The following CARS1 variants were observed in gnomAD, a reference collection of about 807,000 sequenced individuals.
CARS1 encodes cysteine--tRNA ligase, cytoplasmic.
In CARS1, 48 loss-of-function variants were observed where a neutral mutation model predicts 106.2. The observed-to-expected ratio is 0.45, with a 90% CI of 0.36 to 0.57. CARS1 has a LOEUF of 0.57. Among genes scored for constraint, CARS1 ranks in the 20% least tolerant of loss-of-function variants. The probability of loss-of-function intolerance (pLI) is 0.00; values close to 1 mark genes in which losing one functional copy is unlikely to be tolerated. For missense variants in CARS1, 968 were observed against 1,057.2 expected (o/e 0.92, Z 1.17); for synonymous variants, 409 against 403.4 (o/e 1.01, Z -0.17).
intron 1 of CARS1, among the ~76,000 whole-genome samples, chr11:3,051,508 G>A (rs1367050028): frequency 1.3e-5 from 2 of 152,164 alleles, no homozygotes; most frequent in African/African-American, 4.8e-5. Context: ...ACCCCAAAGT[G>A]AGGTCCTGGA....
At position 3,034,213 on chromosome 11, in the gene CARS1, T is replaced by TTTTTGTATTG. The variant is rs1853279276; in HGVS notation, c.801+3836_801+3837insCAATACAAAA. Among the ~76,000 whole-genome samples the TTTTTGTATTG allele has an allele frequency of 7.0e-6, 1 of 142,952 alleles. No homozygotes were observed. Among genetic ancestry groups the TTTTTGTATTG allele is most frequent in the Admixed American group, 7.7e-5 (1 of 13,016 alleles). 93.8% of individuals were successfully genotyped at this position (142,952 alleles called of 152,430 possible). On this transcript the variant is annotated intron_variant, in intron 7 of 22. Transcript: ENST00000380525. The surrounding 1 kb of genome is among the most constrained non-coding windows in gnomAD (Gnocchi z 6.3). ...GTTTGTTCTTTTTTTTGTTTTCTGT[T>TTTTTGTATTG]TTTTGTTTTGTTTTGTTTTGTTTTT...
chr11:3,027,485 G>A (rs429086), intron 9 of CARS1: 55,694 of 170,436 alleles, frequency 0.33, 11,149 homozygotes, highest in East Asian at 0.6. Context: ...GCAAGAGACC[G>A]AGGGCACGAG....
In CARS1 at chr11:3,018,000, A is replaced by G; in HGVS notation, c.1630-46T>C. 1 of 1,229,284 alleles carries G rather than the reference A, an allele frequency of 8.1e-7. No individual in the cohort carries two copies. The highest frequency in any genetic ancestry group is 1.2e-6 in the Non-Finnish European group (1 of 836,696). The allele number at this position is 1,229,284 out of a possible 1,614,324, so 76.1% of individuals were successfully genotyped here. ...TTAACAGCATTTAGGCAACTTTTCC[A>G]TCCTGAAATATCTGTTACAACTTTC... On this transcript the variant is annotated intron_variant, in intron 14 of 22. Transcript: ENST00000380525. This position sits in a 1 kb window ranked among gnomAD's most constrained non-coding sequence, Gnocchi z 4.9.
intron 16 of CARS1, among the ~76,000 whole-genome samples, chr11:3,016,413 C>T (rs368840378): frequency 1.7e-4 from 26 of 151,612 alleles, no homozygotes; most frequent in African/African-American, 4.1e-4. Flanking sequence ...TTAGTAGAGA[C>T]GGGGTTTCAC....
Position 3,001,157 on chromosome 11 carries a change from T to A in CARS1, c.2453A>T (p.Tyr818Phe), listed in dbSNP as rs1425683170. ...KKLFEAQEKL[Y>F]KEYLQMAQNG... is the part of the protein sequence containing the mutation. ...CTGGGCCATCTGCAGATATTCCTTG[T>A]AGAGCTTCTCCTGAGCCTCGAAGAG... The change falls in exon 23 of 23, where the codon TAC becomes TTC. Residue 818 changes from tyrosine (Y) to phenylalanine (F), a missense_variant. Coordinates refer to ENST00000380525, the MANE Select transcript of CARS1 (RefSeq NM_001014437.3). The A allele has an allele frequency of 6.2e-7, 1 of 1,614,132 alleles. No individual in the cohort carries two copies. Among genetic ancestry groups the A allele is most frequent in the South Asian group, 1.1e-5 (1 of 91,076 alleles).
chr11:3,040,735 TTAAAAA>T lies in CARS1; in HGVS notation c.455+155_455+160del. 1.4e-6 allele frequency: 1 copy of T among 734,246 alleles called. No homozygotes were observed. Among genetic ancestry groups the T allele is most frequent in the Non-Finnish European group, 2.3e-6 (1 of 443,248 alleles). 45.5% of individuals were successfully genotyped at this position (734,246 alleles called of 1,614,324 possible). ...TACTTATGGCATTAAAATTTTCATCTTAAAAATAAGAGAAGAAATTCAGTCTTGATT... is the reference window on the plus strand; with the variant it reads ...TACTTATGGCATTAAAATTTTCATCTTAAGAGAAGAAATTCAGTCTTGATT... On this transcript the variant is annotated intron_variant, in intron 4 of 22. Transcript: ENST00000380525. The surrounding 1 kb of genome is among the most constrained non-coding windows in gnomAD (Gnocchi z 5.8).
intron 10 of CARS1, among the ~76,000 whole-genome samples, chr11:3,024,395 C>A (rs1337243895): frequency 6.6e-6 from 1 of 152,096 alleles, no homozygotes; most frequent in Non-Finnish European, 1.5e-5. Flanking sequence ...CAAGTTTGTA[C>A]ATTTTAGACG....
Position 3,037,982 on chromosome 11 carries a change from C to T in CARS1, c.801+68G>A. On this transcript the variant is annotated intron_variant, in intron 7 of 22. Coordinates refer to ENST00000380525, the MANE Select transcript of CARS1 (RefSeq NM_001014437.3). The surrounding 1 kb of genome is among the most constrained non-coding windows in gnomAD (Gnocchi z 5.9). The stretch of plus-strand genomic sequence containing the variant: ...AATCTGTGGAATCAATCCGTGCACA[C>T]AGATCAGTCTATGCACGGCCCGACA... 1 of 1,438,650 alleles carries T rather than the reference C, an allele frequency of 7.0e-7. No individual in the cohort carries two copies. The highest frequency in any genetic ancestry group is 2.3e-5 in the East Asian group (1 of 43,472). 89.1% of individuals were successfully genotyped at this position (1,438,650 alleles called of 1,614,324 possible).
Position 3,040,960 on chromosome 11 carries a change from T to C in CARS1, c.391A>G (p.Lys131Glu), listed in dbSNP as rs1854372708. The C allele has an allele frequency of 1.2e-6, 2 of 1,614,118 alleles. No individual in the cohort carries two copies. Among genetic ancestry groups the C allele is most frequent in the South Asian group, 1.1e-5 (1 of 91,078 alleles). Residue 131 changes from lysine to glutamate, a missense_variant, in exon 4 of 23, where the codon AAA (lysine) becomes GAA (glutamate). By Grantham distance (56) the Lys-to-Glu change is moderately conservative. Transcript: ENST00000380525. The surrounding 1 kb of genome is among the most constrained non-coding windows in gnomAD (Gnocchi z 5.8). ...NKEVFIPQDG[K>E]KVTWYCCGPT... ...CCACAGCAATACCACGTCACCTTTT[T>C]CCCATCTTGAGGTATGAACACTTCC...
At position 3,034,410 on chromosome 11, in the gene CARS1, G is replaced by A. The variant is rs1053104594; in HGVS notation, c.801+3640C>T. On this transcript the variant is annotated intron_variant, in intron 7 of 22. Transcript: ENST00000380525. This position sits in a 1 kb window ranked among gnomAD's most constrained non-coding sequence, Gnocchi z 6.3. ...TAATTTTTGTATTTTTAGTAGCAAC[G>A]GGGTTTTGCCATGTTGGCCAGGCTG... 3.9e-5 allele frequency among the ~76,000 whole-genome samples: 6 copies of A among 151,900 alleles called. No individual in the cohort carries two copies. Among genetic ancestry groups the A allele is most frequent in the Admixed American group, 6.6e-5 (1 of 15,240 alleles).
Position 3,017,432 on chromosome 11 carries a change from C to G in CARS1, c.1728-137G>C, listed in dbSNP as rs573254621. ...CTGAGGTGGGCGGATCACCTGAGGT[C>G]GGGAGTTCGAGACCAGCCTGACAAA... is the stretch of plus-strand genomic sequence containing the variant. On this transcript the variant is annotated intron_variant, in intron 15 of 22. Transcript: ENST00000380525. The surrounding 1 kb of genome is among the most constrained non-coding windows in gnomAD (Gnocchi z 4.9). 4 of 689,354 alleles carry G rather than the reference C, an allele frequency of 5.8e-6. No homozygotes were observed. The highest frequency in any genetic ancestry group is 9.8e-6 in the Non-Finnish European group (4 of 407,172). 42.7% of individuals were successfully genotyped at this position (689,354 alleles called of 1,614,324 possible).
chr11:3,047,796 C>G lies in CARS1; in HGVS notation c.231G>C (p.Leu77=), dbSNP rs1475579180. 4 of 1,614,080 alleles carry G rather than the reference C, an allele frequency of 2.5e-6. No individual in the cohort carries two copies. The highest frequency in any genetic ancestry group is 2.5e-6 in the Non-Finnish European group (3 of 1,179,966). Residue 77 remains leucine, a synonymous_variant, in exon 2 of 23, where the codon CTG becomes CTC. Transcript: ENST00000380525. The stretch of plus-strand genomic sequence containing the variant: ...GCTGGCCTTTGCCACAGGGGCTACC[C>G]AGGAGCGCTTCTATGTGCCTGAACC... ...ARWFRHIEAL[L]GSPCGKGQPC... is the part of the protein sequence containing the mutation.
Position 3,020,294 on chromosome 11 carries a change from G to T in CARS1, c.1192C>A (p.Arg398Ser). The change falls in exon 11 of 23, where the codon CGC becomes AGC. Residue 398 changes from arginine to serine, a missense_variant. By Grantham distance (110) the Arg-to-Ser change is moderately radical. Transcript: ENST00000380525. The surrounding 1 kb of genome is among the most constrained non-coding windows in gnomAD (Gnocchi z 4.6). ...SISADRLSEK[R>S]SPNDFALWKA... ...CATAAGGCAAAGTCGTTGGGAGAGC[G>T]CTTCTCACTCAGGCGGTCTGCAGAG... 1.9e-6 allele frequency: 3 copies of T among 1,613,886 alleles called. No individual in the cohort carries two copies. The highest frequency in any genetic ancestry group is 2.5e-6 in the Non-Finnish European group (3 of 1,179,754).
rs1358109953 is a variant in CARS1, at chr11:3,038,211, A to G, written c.652-12T>C. 6.2e-7 allele frequency: 1 copy of G among 1,612,784 alleles called. No homozygotes were observed. The highest frequency in any genetic ancestry group is 1.1e-5 in the South Asian group (1 of 91,034). ...TTTACTGAAAATGGCTGCAACCATAAAGAGACGTCAAATCTATTAGATACT... is the reference window on the plus strand; with the variant it reads ...TTTACTGAAAATGGCTGCAACCATAGAGAGACGTCAAATCTATTAGATACT... On this transcript the variant is annotated splice_polypyrimidine_tract_variant and intron_variant, in intron 6 of 22. Transcript: ENST00000380525. The surrounding 1 kb of genome is among the most constrained non-coding windows in gnomAD (Gnocchi z 4.0).
Position 3,038,301 on chromosome 11 carries a change from C to A in CARS1, c.652-102G>T. Reference sequence around the variant, plus strand: ...GAAAACAGAACGGTTTTTCCCATGGCCCCATAGAGATAGAGAAGTGTGCAA... The same window carrying A: ...GAAAACAGAACGGTTTTTCCCATGGACCCATAGAGATAGAGAAGTGTGCAA... On this transcript the variant is annotated intron_variant, in intron 6 of 22. Coordinates refer to ENST00000380525, the MANE Select transcript of CARS1 (RefSeq NM_001014437.3). This position sits in a 1 kb window ranked among gnomAD's most constrained non-coding sequence, Gnocchi z 4.0. The A allele has an allele frequency of 1.8e-6, 2 of 1,108,650 alleles. No individual in the cohort carries two copies. Among genetic ancestry groups the A allele is most frequent in the South Asian group, 2.8e-5 (2 of 71,666 alleles). 68.7% of individuals were successfully genotyped at this position (1,108,650 alleles called of 1,614,324 possible).
chr11:3,012,143 G>T, intron 18 of CARS1, 52 bp downstream of exon 18: 1 of 1,510,456 alleles, frequency 6.6e-7, no homozygotes, highest in Non-Finnish European at 9.2e-7. Context: ...CCGGTCCGGG[G>T]AGCCCAGTGA....
At chr11:3,047,689 T>C in intron 2 of CARS1, 64 bp downstream of exon 2, 1 of 1,542,098 alleles carries the variant, frequency 6.5e-7, no homozygotes. Context: ...ACCAGGGTGA[T>C]GGAGAAAGCC....
chr11:3,049,432 C>A (rs1255427237), intron 1 of CARS1, among the ~76,000 whole-genome samples: 1 of 152,216 alleles, frequency 6.6e-6, no homozygotes, highest in East Asian at 1.9e-4. Flanking sequence ...AGTTGTGGAC[C>A]AGGTGCTGTG....
Position 3,028,649 on chromosome 11 carries a change from C to A in CARS1, c.1031+347G>T. The A allele has an allele frequency of 5.8e-6, 2 of 343,268 alleles. No individual in the cohort carries two copies. The highest frequency in any genetic ancestry group is 1.1e-5 in the Non-Finnish European group (2 of 190,470). 21.3% of individuals were successfully genotyped at this position (343,268 alleles called of 1,614,324 possible). On this transcript the variant is annotated intron_variant, in intron 9 of 22. Coordinates refer to ENST00000380525, the MANE Select transcript of CARS1 (RefSeq NM_001014437.3). The surrounding 1 kb of genome is among the most constrained non-coding windows in gnomAD (Gnocchi z 4.4). ...CTTCGGGATATGACACCAGGACTAG[C>A]ACTCTCAAAATGTCTACGCAATGGC...
Sources: gnomAD v4.1 joint callset for allele counts (sites outside exome capture counted in the v4.1 genomes callset) on GRCh38, gnomAD v4.1.1 for gene constraint, Gnocchi (gnomAD v3.1) non-coding constraint, MANE v1.5 for transcripts, NCBI Gene and HGNC (gene_info 2026-07-23, HGNC 2026-07-21) for gene names.